FAM135B: variants seen among roughly 807,000 people sequenced by gnomAD.
The protein encoded by FAM135B is family with sequence similarity 135 member B.
In FAM135B, 43 loss-of-function variants were observed where a neutral mutation model predicts 127.7. That is an observed-to-expected ratio of 0.34 (90% CI 0.26 to 0.43). The LOEUF (loss-of-function observed/expected upper bound fraction) is 0.43, where lower values mean the gene tolerates loss of function less well. Among genes scored for constraint, FAM135B ranks in the 20% least tolerant of loss-of-function variants. FAM135B has a pLI of 1.00. For synonymous variants in FAM135B, 670 were observed against 665.1 expected, an observed-to-expected ratio of 1.01 and a Z score of -0.11; for missense variants, 1,558 against 1,725.6, an observed-to-expected ratio of 0.90 and a Z score of 1.72.
chr8:138,233,903 T>C (rs1283870058), intron 7 of FAM135B, among the ~76,000 whole-genome samples: 1 of 152,126 alleles, frequency 6.6e-6, no homozygotes, highest in African/African-American at 2.4e-5. Flanking sequence ...AAAGAAGACA[T>C]ACAAATGGCA....
chr8:138,417,284 C>T (rs1834216891), intron 1 of FAM135B, among the ~76,000 whole-genome samples: 2 of 152,286 alleles, frequency 1.3e-5, no homozygotes, highest in South Asian at 2.1e-4. Context: ...TGCAACACAG[C>T]CTCAGCTGCC....
chr8:138,411,388 G>A (rs563792301), intron 1 of FAM135B, among the ~76,000 whole-genome samples: 27 of 152,230 alleles, frequency 1.8e-4, no homozygotes, highest in African/African-American at 6.5e-4. Context: ...AACGGGGAAA[G>A]GATTCCCTAT....
chr8:138,148,176 C>T (rs965686715), intron 14 of FAM135B, among the ~76,000 whole-genome samples: 2 of 152,194 alleles, frequency 1.3e-5, no homozygotes, highest in Non-Finnish European at 2.9e-5. Flanking sequence ...TCCCATAATA[C>T]ATTAATTTCA....
chr8:138,371,551 GA>G (rs1279519240), intron 1 of FAM135B, among the ~76,000 whole-genome samples: 1 of 152,160 alleles, frequency 6.6e-6, no homozygotes, highest in Non-Finnish European at 1.5e-5. Flanking sequence ...AGTGCAGTGA[GA>G]AGTGTCAGCA....
intron 7 of FAM135B, among the ~76,000 whole-genome samples, chr8:138,206,459 C>A (rs74512325): frequency 4.0e-5 from 1 of 24,818 alleles, no homozygotes; most frequent in African/African-American, 1.2e-4. Flanking sequence ...CTACACACAA[C>A]TCCAGCATCC....
At position 138,141,976 on chromosome 8, in the gene FAM135B, T is replaced by C. The variant is rs190111816; in HGVS notation, c.3639-627A>G. Among the ~76,000 whole-genome samples, 502 of 152,300 alleles carry C rather than the reference T, an allele frequency of 3.3e-3. 2 individuals carry two copies. Among genetic ancestry groups the C allele is most frequent in the Non-Finnish European group, 5.2e-3 (356 of 68,020 alleles). On this transcript the variant is annotated intron_variant, in intron 16 of 19. Transcript: ENST00000395297. The surrounding 1 kb of genome is among the most constrained non-coding windows in gnomAD (Gnocchi z 4.7). ...TCCCCACCTCTACTCATGATGAGCA[T>C]AAAACCATCCAAGAAAAGAAATCAG...
chr8:138,194,229 C>T (rs760114163), intron 9 of FAM135B, among the ~76,000 whole-genome samples: 20 of 152,156 alleles, frequency 1.3e-4, no homozygotes, highest in Non-Finnish European at 2.8e-4. Context: ...AAGTCCCACC[C>T]CTTCTCCCAG....
intron 3 of FAM135B, 102 bp downstream of exon 3, chr8:138,310,739 G>T: frequency 3.9e-6 from 4 of 1,013,814 alleles, no homozygotes; most frequent in East Asian, 2.5e-5. Context: ...CAGATTGACT[G>T]AGTATGTCTA....
At chr8:138,338,334 G>T (rs1452844720) in intron 2 of FAM135B, among the ~76,000 whole-genome samples, 2 of 151,676 alleles carry the variant, frequency 1.3e-5, no homozygotes, top group Non-Finnish European at 2.9e-5. Context: ...CCTACAAAAT[G>T]GGAGAAAATT....
At chr8:138,334,927 G>A (rs1472357723) in intron 2 of FAM135B, among the ~76,000 whole-genome samples, 1 of 152,152 alleles carries the variant, frequency 6.6e-6, no homozygotes, top group African/African-American at 2.4e-5. Flanking sequence ...AGGATTCAGT[G>A]TGTCCAGCAG....
chr8:138,173,502 T>A (rs76006658), intron 11 of FAM135B, among the ~76,000 whole-genome samples: 1 of 152,244 alleles, frequency 6.6e-6, no homozygotes, highest in East Asian at 1.9e-4. Context: ...TTCCCTAGTT[T>A]CTTCTTCTTT....
In FAM135B at chr8:138,243,105, T is replaced by G; in HGVS notation, c.543-37A>C. 4 of 1,585,296 alleles carry G rather than the reference T, an allele frequency of 2.5e-6. No individual in the cohort carries two copies. Among genetic ancestry groups the G allele is most frequent in the Non-Finnish European group, 3.4e-6 (4 of 1,166,978 alleles). On this transcript the variant is annotated intron_variant, in intron 6 of 19. Coordinates refer to ENST00000395297, the MANE Select transcript of FAM135B (RefSeq NM_015912.4). This position sits in a 1 kb window ranked among gnomAD's most constrained non-coding sequence, Gnocchi z 7.5. The stretch of plus-strand genomic sequence containing the variant: ...ATAATTGAAAGGGTGAAAAAGGAGG[T>G]AAAGAAAGTGATGGTGCCATTAACT...
intron 1 of FAM135B, among the ~76,000 whole-genome samples, chr8:138,436,176 A>T (rs1229620823): frequency 6.6e-6 from 1 of 152,198 alleles, no homozygotes; most frequent in African/African-American, 2.4e-5. Flanking sequence ...GGGCATTGGG[A>T]AGGGCAAACA....
intron 3 of FAM135B, among the ~76,000 whole-genome samples, chr8:138,271,187 A>G (rs1336135392): frequency 6.6e-6 from 1 of 152,194 alleles, no homozygotes; most frequent in Non-Finnish European, 1.5e-5. Context: ...ATCTGAAGAG[A>G]TGCAATTCTG....
At chr8:138,233,744 G>A (rs1350553831) in intron 7 of FAM135B, among the ~76,000 whole-genome samples, 2 of 152,036 alleles carry the variant, frequency 1.3e-5, no homozygotes, top group African/African-American at 2.4e-5. Flanking sequence ...CAGAATGGAA[G>A]AAAAATATTT....
intron 1 of FAM135B, chr8:138,437,747 A>C (rs974429755): frequency 3.9e-5 from 6 of 152,168 alleles, no homozygotes; most frequent in Admixed American, 3.3e-4. Flanking sequence ...CAGCAGCATA[A>C]AGTGAAGATA....
In FAM135B at chr8:138,197,002, T is replaced by A. The variant is rs529687854; in HGVS notation, c.823+514A>T. ...AAATCCATGTGCAAAAATCAACTGA[T>A]CCCCAGATAACCAAATGTAATGGAT... is the stretch of plus-strand genomic sequence containing the variant. On this transcript the variant is annotated intron_variant, in intron 8 of 19. Coordinates refer to ENST00000395297, the MANE Select transcript of FAM135B (RefSeq NM_015912.4). Among the ~76,000 whole-genome samples, 80 of 152,176 alleles carry A rather than the reference T, an allele frequency of 5.3e-4. 2 individuals carry two copies. The South Asian group carries it at 0.015, about 29-fold the overall frequency.
At chr8:138,222,329 T>C (rs1049160555) in intron 7 of FAM135B, among the ~76,000 whole-genome samples, 2 of 152,150 alleles carry the variant, frequency 1.3e-5, no homozygotes, top group African/African-American at 4.8e-5. Flanking sequence ...TTAACTCTTA[T>C]CACAATTGCA....
At chr8:138,276,773 C>G (rs945801261) in intron 3 of FAM135B, among the ~76,000 whole-genome samples, 9 of 152,088 alleles carry the variant, frequency 5.9e-5, no homozygotes, top group Admixed American at 5.9e-4. Context: ...TGGAGCAGGG[C>G]AGGATATTCA....
Sources: gnomAD v4.1 joint callset for allele counts (sites outside exome capture counted in the v4.1 genomes callset) on GRCh38, gnomAD v4.1.1 for gene constraint, Gnocchi (gnomAD v3.1) non-coding constraint, MANE v1.5 for transcripts, NCBI Gene and HGNC (gene_info 2026-07-23, HGNC 2026-07-21) for gene names.